Variants in PRTG observed in about 807,000 individuals in gnomAD.
The protein encoded by PRTG is immunoglobulin superfamily, DCC subclass, member 5.
PRTG carries 67 observed loss-of-function variants against 122.5 expected under a neutral mutation model. That is an observed-to-expected ratio of 0.55 (90% CI 0.45 to 0.67). The LOEUF (loss-of-function observed/expected upper bound fraction) is 0.67, where lower values mean the gene tolerates loss of function less well. Ranked by LOEUF, PRTG falls within the 30% of genes least tolerant of loss-of-function variation. The probability of loss-of-function intolerance (pLI) is 0.00; values close to 1 mark genes in which losing one functional copy is unlikely to be tolerated. For synonymous variants in PRTG, 554 were observed against 501.1 expected, an observed-to-expected ratio of 1.11 and a Z score of -1.41; for missense variants, 1,435 against 1,415.4, an observed-to-expected ratio of 1.01 and a Z score of -0.22.
intron 18 of PRTG, among the ~76,000 whole-genome samples, chr15:55,623,307 C>T (rs1390876536): frequency 6.6e-6 from 1 of 152,130 alleles, no homozygotes; most frequent in Admixed American, 6.5e-5. Context: ...GTGGCTCACA[C>T]CTGTAATCCC....
At chr15:55,702,851 C>CT in intron 2 of PRTG, 5 of 959,482 alleles carry the variant, frequency 5.2e-6, no homozygotes, top group African/African-American at 3.5e-5. Context: ...CCCTCTGCCT[C>CT]TTGATGCCAG....
At chr15:55,637,670 A>T (rs2059265477) in intron 14 of PRTG, among the ~76,000 whole-genome samples, 1 of 151,916 alleles carries the variant, frequency 6.6e-6, no homozygotes, top group Non-Finnish European at 1.5e-5. Flanking sequence ...ATTGGGTTTC[A>T]CCCCATTAGT....
chr15:55,629,387 G>A (rs940109614), intron 15 of PRTG, among the ~76,000 whole-genome samples: 14 of 99,552 alleles, frequency 1.4e-4, no homozygotes, highest in Admixed American at 5.2e-4. Context: ...GTGTGTGTGT[G>A]TGTGTGTGTG....
intron 2 of PRTG, among the ~76,000 whole-genome samples, chr15:55,688,349 T>G (rs2059581916): frequency 6.6e-6 from 1 of 152,140 alleles, no homozygotes; most frequent in Non-Finnish European, 1.5e-5. Flanking sequence ...TCTTCTGCCC[T>G]TCCTTCCAGA....
At chr15:55,635,677 G>A (rs190936164) in intron 15 of PRTG, among the ~76,000 whole-genome samples, 39 of 152,216 alleles carry the variant, frequency 2.6e-4, no homozygotes, top group African/African-American at 8.7e-4. Context: ...TGAAAAATAC[G>A]AACATGCAAC....
rs528793504 is a variant in PRTG, at chr15:55,693,789, G to C, written c.398-9858C>G. Among the ~76,000 whole-genome samples the C allele has an allele frequency of 2.0e-5, 3 of 152,244 alleles. No homozygotes were observed. In the East Asian group the frequency reaches 5.8e-4, roughly 29 times the overall value. On this transcript the variant is annotated intron_variant, in intron 2 of 19. Coordinates refer to ENST00000389286, the MANE Select transcript of PRTG (RefSeq NM_173814.6). ...ACATATGTGTACCCAGGCACTGCTT[G>C]TTACCTAGTAAACTCCTAGCAGTTG...
intron 18 of PRTG, among the ~76,000 whole-genome samples, chr15:55,621,719 T>A (rs2059167441): frequency 6.6e-6 from 1 of 152,142 alleles, no homozygotes; most frequent in African/African-American, 2.4e-5. Context: ...TTGTTAGTGG[T>A]CAAAACAATA....
At chr15:55,724,801 C>T (rs1262802036) in intron 2 of PRTG, among the ~76,000 whole-genome samples, 4 of 151,942 alleles carry the variant, frequency 2.6e-5, no homozygotes, top group African/African-American at 7.3e-5. Flanking sequence ...AAGTATAAAG[C>T]AAGAATTATA....
chr15:55,646,203 G>T (rs896106560), intron 11 of PRTG, among the ~76,000 whole-genome samples: 10 of 147,210 alleles, frequency 6.8e-5, no homozygotes, highest in Non-Finnish European at 1.2e-4. Context: ...TAGTACAGAC[G>T]GGGTTTCACC....
rs1029731372 is a variant in PRTG at position 55,673,817 on chromosome 15, C to G, written c.1547-141G>C. The G allele has an allele frequency of 1.4e-5, 9 of 649,454 alleles. No individual in the cohort carries two copies. The African/African-American group carries it at 1.5e-4, about 11-fold the overall frequency. The allele number at this position is 649,454 out of a possible 1,614,324, so 40.2% of individuals were successfully genotyped here. On this transcript the variant is annotated intron_variant, in intron 9 of 19. Transcript: ENST00000389286. ...GCCCTAGCAGAGGTTTTCAGTGAAA[C>G]AGAGTACAAACCAGAAAAAAGAAGA...
chr15:55,705,887 A>G (rs1595665738), intron 2 of PRTG, among the ~76,000 whole-genome samples: 1 of 115,958 alleles, frequency 8.6e-6, no homozygotes, highest in Admixed American at 1.1e-4. Flanking sequence ...AAGGAGTCTC[A>G]CTCTGTCACC....
chr15:55,624,584 A>C (rs150134164), intron 17 of PRTG, 77 bp from the exon 18 acceptor site: 3 of 1,224,718 alleles, frequency 2.4e-6, no homozygotes, highest in African/African-American at 3.0e-5. Flanking sequence ...GCCTATCAAC[A>C]AAACTTTGTA....
At chr15:55,677,161 A>G (rs992289263) in intron 8 of PRTG, among the ~76,000 whole-genome samples, 2 of 152,192 alleles carry the variant, frequency 1.3e-5, no homozygotes, top group African/African-American at 2.4e-5. Context: ...AAAGTAAAAT[A>G]TAAGAAAAAT....
intron 15 of PRTG, among the ~76,000 whole-genome samples, chr15:55,635,103 G>T (rs977030517): frequency 1.5e-4 from 17 of 112,772 alleles, no homozygotes; most frequent in East Asian, 4.0e-4. Context: ...GTGTGTGTGT[G>T]TTTTTTGAGA....
intron 11 of PRTG, among the ~76,000 whole-genome samples, chr15:55,651,669 A>G (rs75443545): frequency 6.6e-6 from 1 of 152,206 alleles, no homozygotes; most frequent in African/African-American, 2.4e-5. Flanking sequence ...TGGATCAACA[A>G]TAAGAGATAA....
intron 11 of PRTG, among the ~76,000 whole-genome samples, chr15:55,666,718 AC>A (rs1340468548): frequency 6.6e-6 from 1 of 152,254 alleles, no homozygotes; most frequent in African/African-American, 2.4e-5. Flanking sequence ...ATTTCTAAAT[AC>A]ATTGCTCTCC....
chr15:55,622,216 G>GTTTT (rs35973280), intron 18 of PRTG, among the ~76,000 whole-genome samples: 1,695 of 113,388 alleles, frequency 0.015, 81 homozygotes, highest in African/African-American at 0.053. Context: ...ATTAGTACTT[G>GTTTT]TTTTTTTTTT....
chr15:55,678,487 C>T (rs1260080613), intron 7 of PRTG, among the ~76,000 whole-genome samples: 1 of 152,184 alleles, frequency 6.6e-6, no homozygotes, highest in African/African-American at 2.4e-5. Context: ...CTGAAGTGAT[C>T]TTCCCACCTT....
chr15:55,677,188 T>C (rs2059507318), intron 8 of PRTG, among the ~76,000 whole-genome samples: 1 of 152,114 alleles, frequency 6.6e-6, no homozygotes, highest in South Asian at 2.1e-4. Context: ...ATCTCCAAAA[T>C]AGAACCAATA....
Sources: allele counts gnomAD v4.1 joint callset (sites outside exome capture counted in the v4.1 genomes callset), GRCh38; gene constraint gnomAD v4.1.1; transcripts MANE v1.5; gene names NCBI Gene and HGNC (gene_info 2026-07-23, HGNC 2026-07-21).